Variants in TAF1C observed in about 807,000 individuals in gnomAD.
TAF1C encodes the protein TATA-box binding protein associated factor, RNA polymerase I subunit C.
Under a neutral mutation model 70.5 loss-of-function variants are expected in TAF1C, and 79 were observed. That is an observed-to-expected ratio of 1.12 (90% confidence interval 0.93 to 1.35). The LOEUF is 1.35. Among genes scored for constraint, TAF1C ranks in the 40% most tolerant of loss-of-function variants. The pLI is 0.00. For synonymous variants in TAF1C, 614 were observed against 491.1 expected (o/e 1.25, Z -3.31); for missense variants, 1,412 against 1,127.8 (o/e 1.25, Z -3.61).
In TAF1C at chr16:84,178,369, A is replaced by T; in HGVS notation, c.*572T>A. 2.2e-6 allele frequency: 1 copy of T among 456,934 alleles called. No homozygotes were observed. The highest frequency in any genetic ancestry group is 4.4e-6 in the Non-Finnish European group (1 of 227,244). The allele number at this position is 456,934 out of a possible 1,614,324, so 28.3% of individuals were successfully genotyped here. On this transcript the variant is annotated 3_prime_UTR_variant, in exon 15 of 15. Coordinates refer to ENST00000566732, the MANE Select transcript of TAF1C (RefSeq NM_001243156.2). ...GACGCTGTCCAGCCTAAAAAACGTG[A>T]CCATTCCAATTCATCTTCAGCTGCC...
intron 12 of TAF1C, chr16:84,180,754 A>G: frequency 3.2e-6 from 4 of 1,261,076 alleles, no homozygotes; most frequent in East Asian, 3.1e-5. Flanking sequence ...CACAGCAGAA[A>G]CTCTCCAGCT....
At chr16:84,184,450 G>A (rs2089374272) in intron 2 of TAF1C, among the ~76,000 whole-genome samples, 1 of 152,192 alleles carries the variant, frequency 6.6e-6, no homozygotes, top group African/African-American at 2.4e-5. Flanking sequence ...CAGAAACCCT[G>A]CAGGTCTATC....
chr16:84,183,391 C>T lies in TAF1C; in HGVS notation c.318+19G>A. 1 of 1,613,188 alleles carries T rather than the reference C, an allele frequency of 6.2e-7. No individual in the cohort carries two copies. The highest frequency in any genetic ancestry group is 1.3e-5 in the African/African-American group (1 of 75,046). On this transcript the variant is annotated intron_variant, in intron 4 of 14. Transcript: ENST00000566732. ...CAGTCTCCAGGCTACGCAGCACTGT[C>T]CCCCGTGGGCCCACTCACCTGCTCA...
At position 84,179,926 on chromosome 16, in the gene TAF1C, C is replaced by G. The variant is rs778573041; in HGVS notation, c.1621+20G>C. 6.3e-7 allele frequency: 1 copy of G among 1,595,674 alleles called. No individual in the cohort carries two copies. Among genetic ancestry groups the G allele is most frequent in the African/African-American group, 1.4e-5 (1 of 73,920 alleles). ...TGTTTTCCACTGCGCCCCCCAAGCT[C>G]ACTCCCCCACCCAGCACACCTATGG... On this transcript the variant is annotated intron_variant, in intron 14 of 14. Coordinates refer to ENST00000566732, the MANE Select transcript of TAF1C (RefSeq NM_001243156.2).
chr16:84,184,864 G>C lies in TAF1C; in HGVS notation c.125C>G (p.Pro42Arg). The change falls in exon 2 of 15, where the codon CCC (proline) becomes CGC (arginine). Residue 42 changes from proline (P) to arginine (R), a missense_variant. Physicochemically the swap from Pro to Arg is moderately radical, Grantham distance 103. Transcript: ENST00000566732. ...RDALTLPEAQPQNSENGALHV... is the reference protein window; with the variant it reads ...RDALTLPEAQRQNSENGALHV... ...CTGCATCCTCACCTCTGAGTTCTGG[G>C]GCTGGGCCTCTGGCAGAGTCAGTGC... The C allele has an allele frequency of 2.5e-6, 4 of 1,606,864 alleles. No individual in the cohort carries two copies. The highest frequency in any genetic ancestry group is 3.4e-6 in the Non-Finnish European group (4 of 1,176,916).
chr16:84,180,474 C>T, intron 12 of TAF1C, 130 bp from the exon 13 acceptor site: 1 of 964,912 alleles, frequency 1.0e-6, no homozygotes, highest in South Asian at 1.7e-5. Context: ...CCATCAGCCT[C>T]CACGTGCCTC....
At chr16:84,184,674 C>T (rs553341291) in intron 2 of TAF1C, among the ~76,000 whole-genome samples, 177 bp downstream of exon 2, 15 of 152,278 alleles carry the variant, frequency 9.9e-5, no homozygotes, top group Admixed American at 5.9e-4. Context: ...TGGGGGCATC[C>T]GTCTAGGGAT....
intron 12 of TAF1C, 55 bp from the exon 13 acceptor site, chr16:84,180,399 G>A: frequency 1.3e-6 from 2 of 1,505,608 alleles, no homozygotes; most frequent in Non-Finnish European, 1.8e-6. Flanking sequence ...GAGCTGTGTA[G>A]TGGCCCTCCA....
In TAF1C at chr16:84,178,296, G is replaced by C; in HGVS notation, c.*645C>G. 1 of 456,622 alleles carries C rather than the reference G, an allele frequency of 2.2e-6. No homozygotes were observed. Among genetic ancestry groups the C allele is most frequent in the Admixed American group, 2.3e-5 (1 of 42,574 alleles). The allele number at this position is 456,622 out of a possible 1,614,324, so 28.3% of individuals were successfully genotyped here. The stretch of plus-strand genomic sequence containing the variant: ...ATGTCCCAAGGGAGAAGGAACATCA[G>C]CCATCATCTCTCTGCATGAGCTCAG... On this transcript the variant is annotated 3_prime_UTR_variant, in exon 15 of 15. Transcript: ENST00000566732.
Position 84,183,712 on chromosome 16 carries a change from G to C in TAF1C, c.205C>G (p.Leu69Val). The change falls in exon 3 of 15, where the codon CTG becomes GTG. Residue 69 changes from leucine (L) to valine (V), a missense_variant. By Grantham distance (32) the Leu-to-Val change is conservative. Transcript: ENST00000566732. ...EPATPGPLPM[L>V]PPLIDPWDPG... The stretch of plus-strand genomic sequence containing the variant: ...AGACCCTTACCGATGAGGGGAGGCA[G>C]CATGGGGAGAGGCCCAGGGGTTGCC... 1.2e-6 allele frequency: 2 copies of C among 1,612,558 alleles called. No individual in the cohort carries two copies. The highest frequency in any genetic ancestry group is 1.7e-6 in the Non-Finnish European group (2 of 1,179,108).
intron 12 of TAF1C, chr16:84,180,793 T>G: frequency 2.4e-6 from 3 of 1,232,476 alleles, no homozygotes; most frequent in Non-Finnish European, 3.1e-6. Context: ...CCGAGGCCCC[T>G]CCTCCCCTGC....
intron 14 of TAF1C, 23 bp from the exon 15 acceptor site, chr16:84,179,874 C>A: frequency 6.2e-7 from 1 of 1,609,022 alleles, no homozygotes; most frequent in Non-Finnish European, 8.5e-7. Flanking sequence ...ATGACAATGA[C>A]CTCCAGGGCC....
At position 84,181,089 on chromosome 16, in the gene TAF1C, G is replaced by C. The variant is rs1422278054; in HGVS notation, c.1262C>G (p.Ser421Cys). ...RVLLTQYLGHSSPKCLPPTLH... is the reference protein window; with the variant it reads ...RVLLTQYLGHCSPKCLPPTLH... ...AGTAGGGGGGAGGCATTTGGGGCTG[G>C]AGTGCCCCAGGTACTGGGTAAGCAG... The change falls in exon 12 of 15, where the codon TCC becomes TGC. Residue 421 changes from serine to cysteine, a missense_variant. By Grantham distance (112) the Ser-to-Cys change is moderately radical. Transcript: ENST00000566732. The C allele has an allele frequency of 1.9e-5, 31 of 1,612,750 alleles. No individual in the cohort carries two copies. The highest frequency in any genetic ancestry group is 2.4e-5 in the Non-Finnish European group (28 of 1,178,950).
Position 84,179,525 on chromosome 16 carries a change from C to T in TAF1C, c.1948G>A (p.Gly650Arg). 2 of 1,606,078 alleles carry T rather than the reference C, an allele frequency of 1.2e-6. No individual in the cohort carries two copies. Among genetic ancestry groups the T allele is most frequent in the Non-Finnish European group, 1.7e-6 (2 of 1,175,900 alleles). Residue 650 changes from glycine (G) to arginine (R), a missense_variant, in exon 15 of 15, where the codon GGG (glycine) becomes AGG (arginine). Coordinates refer to ENST00000566732, the MANE Select transcript of TAF1C (RefSeq NM_001243156.2). ...STELRREEEE[G>R]QRLGVLRKAM... ...TTGCGGAGCACACCCAGCCGCTGCCCTTCCTCTTCCTCCCTCCGCAGCTCT... is the reference window on the plus strand; with the variant it reads ...TTGCGGAGCACACCCAGCCGCTGCCTTTCCTCTTCCTCCCTCCGCAGCTCT...
Position 84,179,455 on chromosome 16 carries a change from G to C in TAF1C, c.2018C>G (p.Ser673Cys), listed in dbSNP as rs1295639602. ...GQLLLQRDLGSLPAAEPPPAP... is the reference protein window; with the variant it reads ...GQLLLQRDLGCLPAAEPPPAP... ...AGGGGGTGGCTCTGCCGCAGGGAGG[G>C]AGCCCAGGTCTCTCTGCAGCAGGAG... The change falls in exon 15 of 15, where the codon TCC becomes TGC. Residue 673 changes from serine to cysteine, a missense_variant. Transcript: ENST00000566732. 2 of 1,597,632 alleles carry C rather than the reference G, an allele frequency of 1.3e-6. No homozygotes were observed. The highest frequency in any genetic ancestry group is 1.7e-6 in the Non-Finnish European group (2 of 1,177,014).
intron 12 of TAF1C, 157 bp downstream of exon 12, chr16:84,180,886 G>A: frequency 3.5e-6 from 5 of 1,430,610 alleles, no homozygotes; most frequent in Non-Finnish European, 3.7e-6. Context: ...ACCGACTGTG[G>A]GATCCACTGC....
In TAF1C at chr16:84,179,595, C is replaced by G. The variant is rs2088989828; in HGVS notation, c.1878G>C (p.Val626=). 6.8e-6 allele frequency: 11 copies of G among 1,612,614 alleles called. No individual in the cohort carries two copies. The highest frequency in any genetic ancestry group is 9.3e-6 in the Non-Finnish European group (11 of 1,179,920). ...ALLKVPLAPP[V]WTAPTFTHRQ... ...GGTGGGTGAAGGTGGGTGCTGTCCA[C>G]ACAGGAGGAGCCAGGGGCACTTTTA... Residue 626 remains valine, a synonymous_variant, in exon 15 of 15, where the codon GTG becomes GTC. Coordinates refer to ENST00000566732, the MANE Select transcript of TAF1C (RefSeq NM_001243156.2).
At chr16:84,183,368 G>C in intron 4 of TAF1C, 35 bp from the exon 5 acceptor site, 1 of 1,613,850 alleles carries the variant, frequency 6.2e-7, no homozygotes, top group African/African-American at 1.3e-5. Flanking sequence ...ACTAAGCACA[G>C]TCTCCAGGCT....
At position 84,182,110 on chromosome 16, in the gene TAF1C, C is replaced by G; in HGVS notation, c.722-52G>C. ...ACGAGCTATGATCACTGCAAGCCCC[C>G]CAAATTCCTGCCCTTCTCTGGACCA... On this transcript the variant is annotated intron_variant, in intron 7 of 14. Coordinates refer to ENST00000566732, the MANE Select transcript of TAF1C (RefSeq NM_001243156.2). This position sits in a 1 kb window ranked among gnomAD's most constrained non-coding sequence, Gnocchi z 5.0. 1 of 1,595,022 alleles carries G rather than the reference C, an allele frequency of 6.3e-7. No homozygotes were observed. The highest frequency in any genetic ancestry group is 2.2e-5 in the East Asian group (1 of 44,632).
Sources: allele counts gnomAD v4.1 joint callset (sites outside exome capture counted in the v4.1 genomes callset), GRCh38; gene constraint gnomAD v4.1.1; non-coding constraint Gnocchi (gnomAD v3.1); transcripts MANE v1.5; gene names NCBI Gene and HGNC (gene_info 2026-07-23, HGNC 2026-07-21).